ITIH1: variants seen among roughly 807,000 people sequenced by gnomAD.
ITIH1 encodes inter-alpha-trypsin inhibitor heavy chain 1.
Under a neutral mutation model 104.6 loss-of-function variants are expected in ITIH1, and 94 were observed. That is an observed-to-expected ratio of 0.90 (90% CI 0.76 to 1.07). The LOEUF is 1.07. Ranked by LOEUF, ITIH1 falls within the 50% of genes least tolerant of loss-of-function variation. The pLI, the probability that ITIH1 is intolerant of heterozygous loss-of-function variation, is 0.00. For synonymous variants in ITIH1, 455 were observed against 464.4 expected (o/e 0.98, Z 0.26); for missense variants, 1,193 against 1,181.4 (o/e 1.01, Z -0.14).
chr3:52,787,501 G>T lies in ITIH1; in HGVS notation c.1904-91G>T. 2.7e-6 allele frequency: 4 copies of T among 1,499,724 alleles called. No homozygotes were observed. The South Asian group carries it at 4.5e-5, about 17-fold the overall frequency. The allele number at this position is 1,499,724 out of a possible 1,614,324, so 92.9% of individuals were successfully genotyped here. A position where few individuals can be genotyped will look rare whatever the true frequency, so the allele number is the denominator to read the frequency against. Reference sequence around the variant, plus strand: ...CTGAGACCCCCAGAGGGACGGCTGGGCCCAGGCCTGTTGTGGACAGAGCTG... The same window carrying T: ...CTGAGACCCCCAGAGGGACGGCTGGTCCCAGGCCTGTTGTGGACAGAGCTG... On this transcript the variant is annotated intron_variant, in intron 15 of 21. Coordinates refer to ENST00000273283, the MANE Select transcript of ITIH1 (RefSeq NM_002215.4).
chr3:52,779,820 G>T lies in ITIH1; in HGVS notation c.573+226G>T, dbSNP rs1578728739. The T allele has an allele frequency of 8.4e-7, 1 of 1,188,086 alleles. No individual in the cohort carries two copies. The highest frequency in any genetic ancestry group is 2.7e-5 in the East Asian group (1 of 37,676). 73.6% of individuals were successfully genotyped at this position (1,188,086 alleles called of 1,614,324 possible). ...TTCGGTTTGCTCATCTGCTAGACGG[G>T]GGGTTTCTGTGAGTCCCAGGACCGC... is the stretch of plus-strand genomic sequence containing the variant. On this transcript the variant is annotated intron_variant, in intron 5 of 21. Transcript: ENST00000273283. The surrounding 1 kb of genome is among the most constrained non-coding windows in gnomAD (Gnocchi z 4.4).
In ITIH1 at chr3:52,779,126, T is replaced by C; in HGVS notation, c.410+80T>C. 2 of 1,037,626 alleles carry C rather than the reference T, an allele frequency of 1.9e-6. No individual in the cohort carries two copies. Among genetic ancestry groups the C allele is most frequent in the Non-Finnish European group, 3.0e-6 (2 of 658,658 alleles). 64.3% of individuals were successfully genotyped at this position (1,037,626 alleles called of 1,614,324 possible). A position where few individuals can be genotyped will look rare whatever the true frequency, so the allele number is the denominator to read the frequency against. ...AGGTCTGATGGCTGCAAGGTGGCTT[T>C]AGTGGAGAACAGCCCAGGATGATGG... On this transcript the variant is annotated intron_variant, in intron 4 of 21. Coordinates refer to ENST00000273283, the MANE Select transcript of ITIH1 (RefSeq NM_002215.4). This position sits in a 1 kb window ranked among gnomAD's most constrained non-coding sequence, Gnocchi z 4.4.
Position 52,779,553 on chromosome 3 carries a change from G to A in ITIH1, c.532G>A (p.Val178Ile). Reference sequence around the variant, plus strand: ...GAGAAACCATATGCAGTATGAAATTGTCATCAAAGTCAAGCCCAAGCAGCT... The same window carrying A: ...GAGAAACCATATGCAGTATGAAATTATCATCAAAGTCAAGCCCAAGCAGCT... ...LKRNHMQYEI[V>I]IKVKPKQLVH... The change falls in exon 5 of 22, where the codon GTC becomes ATC. Residue 178 changes from valine to isoleucine, a missense_variant. Val to Ile is a conservative substitution (Grantham distance 29, BLOSUM62 3). Coordinates refer to ENST00000273283, the MANE Select transcript of ITIH1 (RefSeq NM_002215.4). This position sits in a 1 kb window ranked among gnomAD's most constrained non-coding sequence, Gnocchi z 4.4. 6.2e-7 allele frequency: 1 copy of A among 1,614,194 alleles called. No individual in the cohort carries two copies. The highest frequency in any genetic ancestry group is 1.7e-5 in the Admixed American group (1 of 60,024).
chr3:52,777,965 C>T (rs767829068), intron 1 of ITIH1, 32 bp from the exon 2 acceptor site: 17 of 1,613,976 alleles, frequency 1.1e-5, no homozygotes, highest in East Asian at 2.2e-5. Context: ...CTGAGTTTTC[C>T]TCTCACACTT....
chr3:52,784,232 C>A, intron 10 of ITIH1, 64 bp from the exon 11 acceptor site: 2 of 1,414,146 alleles, frequency 1.4e-6, no homozygotes, highest in Non-Finnish European at 9.7e-7. Context: ...TTCCCCAGAG[C>A]CCCCTCGTGC....
chr3:52,790,676 G>C (rs1229206397), intron 19 of ITIH1, 73 bp from the exon 20 acceptor site: 7 of 1,504,164 alleles, frequency 4.7e-6, no homozygotes, highest in Non-Finnish European at 6.4e-6. Context: ...TTGGGTCCCA[G>C]ATGACAAGGG....
Position 52,782,245 on chromosome 3 carries a change from T to A in ITIH1, c.908T>A (p.Met303Lys). The stretch of plus-strand genomic sequence containing the variant: ...TTTGTGATTGACATCAGTGGCTCCA[T>A]GAGAGGCCAGAAAGTGAAGCAGGTA... Reference protein sequence around the residue: ...VVFVIDISGSMRGQKVKQTKE... With the variant: ...VVFVIDISGSKRGQKVKQTKE... The change falls in exon 8 of 22, where the codon ATG becomes AAG. Residue 303 changes from methionine (M) to lysine (K), a missense_variant. Coordinates refer to ENST00000273283, the MANE Select transcript of ITIH1 (RefSeq NM_002215.4). 1 of 1,614,062 alleles carries A rather than the reference T, an allele frequency of 6.2e-7. No individual in the cohort carries two copies. Among genetic ancestry groups the A allele is most frequent in the South Asian group, 1.1e-5 (1 of 91,080 alleles).
In ITIH1 at chr3:52,779,643, A is replaced by G; in HGVS notation, c.573+49A>G. 6.2e-7 allele frequency: 1 copy of G among 1,603,148 alleles called. No individual in the cohort carries two copies. Among genetic ancestry groups the G allele is most frequent in the Non-Finnish European group, 8.5e-7 (1 of 1,170,438 alleles). On this transcript the variant is annotated intron_variant, in intron 5 of 21. Coordinates refer to ENST00000273283, the MANE Select transcript of ITIH1 (RefSeq NM_002215.4). This position sits in a 1 kb window ranked among gnomAD's most constrained non-coding sequence, Gnocchi z 4.4. Reference sequence around the variant, plus strand: ...GGGTCCTGCCCCTCTCTCCGTCACCATGGCTCCCAACACTGGTTGAGCACC... The same window carrying G: ...GGGTCCTGCCCCTCTCTCCGTCACCGTGGCTCCCAACACTGGTTGAGCACC...
intron 6 of ITIH1, 67 bp downstream of exon 6, chr3:52,780,449 G>A (rs1699006525): frequency 3.7e-6 from 4 of 1,095,750 alleles, no homozygotes; most frequent in Non-Finnish European, 4.1e-6. Context: ...CACCCCTTAT[G>A]GAATGTCCAG....
chr3:52,785,275 G>A (rs1204087455), intron 12 of ITIH1, 46 bp downstream of exon 12: 1 of 1,584,832 alleles, frequency 6.3e-7, no homozygotes, highest in Non-Finnish European at 8.6e-7. Context: ...CAGCACCCTA[G>A]AGGCTCCAAA....
intron 11 of ITIH1, 120 bp from the exon 12 acceptor site, chr3:52,784,924 C>G (rs1699160219): frequency 2.0e-6 from 2 of 984,290 alleles, no homozygotes; most frequent in Non-Finnish European, 3.0e-6. Flanking sequence ...GCTACTTGAC[C>G]TCTCGGACCC....
rs776388320 is a variant in ITIH1 at position 52,784,407 on chromosome 3, T to C, written c.1337T>C (p.Val446Ala). 4.3e-6 allele frequency: 7 copies of C among 1,613,888 alleles called. No homozygotes were observed. The highest frequency in any genetic ancestry group is 5.9e-6 in the Non-Finnish European group (7 of 1,179,988). ...AATGTGGACTTTAACTTTCTGGAGG[T>C]CATGTCCATGGAGAACAACGGACGG... Reference protein sequence around the residue: ...GHNVDFNFLEVMSMENNGRAQ... With the variant: ...GHNVDFNFLEAMSMENNGRAQ... Residue 446 changes from valine to alanine, a missense_variant, in exon 11 of 22, where the codon GTC (valine) becomes GCC (alanine). Coordinates refer to ENST00000273283, the MANE Select transcript of ITIH1 (RefSeq NM_002215.4).
At chr3:52,786,548 C>T (rs2154108586) in intron 13 of ITIH1, 114 bp downstream of exon 13, 1 of 1,062,126 alleles carries the variant, frequency 9.4e-7, no homozygotes. Flanking sequence ...ATTTACTTTC[C>T]TCTTCTGCTT....
chr3:52,783,805 A>G (rs1387852372), intron 10 of ITIH1, among the ~76,000 whole-genome samples: 1 of 151,998 alleles, frequency 6.6e-6, no homozygotes, highest in Non-Finnish European at 1.5e-5. Context: ...ACCATAGACA[A>G]AGGACACCTG....
intron 18 of ITIH1, among the ~76,000 whole-genome samples, chr3:52,788,679 G>A (rs1228125535): frequency 6.6e-6 from 1 of 151,560 alleles, no homozygotes; most frequent in Non-Finnish European, 1.5e-5. Context: ...TCCTGCCTCA[G>A]CCTCCCAAGT....
Position 52,781,926 on chromosome 3 carries a change from C to G in ITIH1, c.688-14C>G. On this transcript the variant is annotated splice_polypyrimidine_tract_variant and intron_variant, in intron 6 of 21. Coordinates refer to ENST00000273283, the MANE Select transcript of ITIH1 (RefSeq NM_002215.4). ...ACACAGACCAGTAATGGCTCACACT[C>G]TCGACGGTTCCAGGGTCATGTGCTG... 1 of 1,613,982 alleles carries G rather than the reference C, an allele frequency of 6.2e-7. No homozygotes were observed. The highest frequency in any genetic ancestry group is 8.5e-7 in the Non-Finnish European group (1 of 1,179,942).
intron 10 of ITIH1, 55 bp from the exon 11 acceptor site, chr3:52,784,241 G>C (rs553669424): frequency 6.7e-7 from 1 of 1,498,562 alleles, no homozygotes; most frequent in South Asian, 1.2e-5. Flanking sequence ...GCCCCCTCGT[G>C]CCCCACATGC....
rs745363921 is a variant in ITIH1, at chr3:52,790,839, G to A, written c.2412G>A (p.Lys804=). 6.2e-7 allele frequency: 1 copy of A among 1,613,050 alleles called. No homozygotes were observed. Among genetic ancestry groups the A allele is most frequent in the East Asian group, 2.2e-5 (1 of 44,804 alleles). ...TFEVVLHRVW[K]GSSVHQDFLG... ...AGGTTGTTTTGCACCGAGTGTGGAA[G>A]GGGAGCTCGGTCCACCAGGACTTCC... The change falls in exon 20 of 22, where the codon AAG becomes AAA. Residue 804 remains lysine, a synonymous_variant. Transcript: ENST00000273283.
intron 6 of ITIH1, 79 bp from the exon 7 acceptor site, chr3:52,781,861 G>A: frequency 6.4e-7 from 1 of 1,558,776 alleles, no homozygotes; most frequent in Non-Finnish European, 8.7e-7. Context: ...ACACACGCAT[G>A]CCTTCTTATG....
Sources: gnomAD v4.1 joint callset for allele counts (sites outside exome capture counted in the v4.1 genomes callset) on GRCh38, gnomAD v4.1.1 for gene constraint, Gnocchi (gnomAD v3.1) non-coding constraint, MANE v1.5 for transcripts, NCBI Gene and HGNC (gene_info 2026-07-23, HGNC 2026-07-21) for gene names.